Variants in ZMAT4 observed in about 807,000 individuals in gnomAD.
ZMAT4 encodes zinc finger matrin-type protein 4.
A neutral mutation model predicts 28.7 loss-of-function variants in ZMAT4; 17 were observed. The observed-to-expected ratio is 0.59, with a 90% confidence interval of 0.41 to 0.89. ZMAT4 has a LOEUF of 0.89. Among genes scored for constraint, ZMAT4 ranks in the 40% least tolerant of loss-of-function variants. ZMAT4 has a pLI of 0.00. For synonymous variants in ZMAT4, 117 were observed against 109.2 expected (o/e 1.07, Z -0.44); for missense variants, 240 against 283.8 (o/e 0.85, Z 1.11).
At chr8:40,715,595 G>A (rs1810816641) in intron 3 of ZMAT4, among the ~76,000 whole-genome samples, 1 of 152,044 alleles carries the variant, frequency 6.6e-6, no homozygotes, top group Non-Finnish European at 1.5e-5. Context: ...ATCAAATTTT[G>A]AAAAATAATT....
chr8:40,837,126 A>C (rs750395694), intron 1 of ZMAT4, among the ~76,000 whole-genome samples: 1 of 152,190 alleles, frequency 6.6e-6, no homozygotes, highest in Non-Finnish European at 1.5e-5. Flanking sequence ...GATCAGACTG[A>C]ATTTCTCAGC....
At chr8:40,546,823 C>T (rs1803216903) in intron 6 of ZMAT4, among the ~76,000 whole-genome samples, 1 of 152,154 alleles carries the variant, frequency 6.6e-6, no homozygotes, top group Non-Finnish European at 1.5e-5. Context: ...ATGTGTGGTA[C>T]ATAAAGCTGC....
chr8:40,715,788 C>T (rs1488302884), intron 3 of ZMAT4, among the ~76,000 whole-genome samples: 3 of 152,226 alleles, frequency 2.0e-5, no homozygotes, highest in African/African-American at 7.2e-5. Context: ...GCCCACCTCA[C>T]TAATCTGGGT....
intron 3 of ZMAT4, among the ~76,000 whole-genome samples, chr8:40,704,278 G>T (rs1810264010): frequency 6.6e-6 from 1 of 152,174 alleles, no homozygotes. Flanking sequence ...AGAAGGCCTG[G>T]AAGTCACATT....
chr8:40,632,100 T>C (rs916173382), intron 5 of ZMAT4, among the ~76,000 whole-genome samples: 39 of 152,298 alleles, frequency 2.6e-4, no homozygotes, highest in African/African-American at 9.1e-4. Context: ...ATGTTTGTGA[T>C]TCTATTTATA....
intron 2 of ZMAT4, among the ~76,000 whole-genome samples, chr8:40,770,756 C>G (rs1025924066): frequency 7.9e-5 from 12 of 152,078 alleles, no homozygotes; most frequent in Admixed American, 7.2e-4. Flanking sequence ...CCATGTTGGC[C>G]AGGCTGGTCT....
At chr8:40,826,007 C>G (rs1306470549) in intron 1 of ZMAT4, among the ~76,000 whole-genome samples, 2 of 152,106 alleles carry the variant, frequency 1.3e-5, no homozygotes, top group Non-Finnish European at 2.9e-5. Context: ...GCCTGTAGTC[C>G]CAGTGTTTTG....
chr8:40,747,464 G>A (rs897175880), intron 3 of ZMAT4, among the ~76,000 whole-genome samples: 4 of 151,914 alleles, frequency 2.6e-5, no homozygotes, highest in South Asian at 4.2e-4. Flanking sequence ...GTTATGATTC[G>A]GTTTTACTTT....
Position 40,891,806 on chromosome 8 carries a change from G to A in ZMAT4, c.-5+5877C>T, listed in dbSNP as rs149287473. ...GTCGCGCCTCCCCACACTCACTGCC[G>A]ACCCTGAGCTGTCCTCTTGATGCCT... is the stretch of plus-strand genomic sequence containing the variant. On this transcript the variant is annotated intron_variant, in intron 1 of 6. Coordinates refer to ENST00000297737, the MANE Select transcript of ZMAT4 (RefSeq NM_024645.3). Among the ~76,000 whole-genome samples, 84 of 152,288 alleles carry A rather than the reference G, an allele frequency of 5.5e-4. No individual in the cohort carries two copies. In the East Asian group the frequency reaches 0.014, roughly 25 times the overall value.
intron 5 of ZMAT4, among the ~76,000 whole-genome samples, chr8:40,612,852 C>A (rs1805849966): frequency 6.9e-6 from 1 of 145,496 alleles, no homozygotes; most frequent in African/African-American, 2.5e-5. Context: ...TGCTCTTGTC[C>A]CCCAGGCTGG....
At chr8:40,747,046 C>T (rs1812269079) in intron 3 of ZMAT4, among the ~76,000 whole-genome samples, 1 of 152,182 alleles carries the variant, frequency 6.6e-6, no homozygotes, top group African/African-American at 2.4e-5. Context: ...CTGCCACTTT[C>T]AATGGAGGGC....
chr8:40,580,013 T>TTA lies in ZMAT4; in HGVS notation c.674+1151_674+1152insTA, dbSNP rs1158972877. On this transcript the variant is annotated intron_variant, in intron 6 of 6. Transcript: ENST00000297737. ...AGGAAGGACTCAATGTATTCATCTT[T>TTA]TTTTTTTTTTTTTTTTTGAGACGAA... is the stretch of plus-strand genomic sequence containing the variant. 3.4e-3 allele frequency among the ~76,000 whole-genome samples: 492 copies of TTA among 145,628 alleles called. 5 individuals are homozygous for TTA. The highest frequency in any genetic ancestry group is 0.012 in the African/African-American group (470 of 38,972).
intron 5 of ZMAT4, among the ~76,000 whole-genome samples, chr8:40,595,735 G>T (rs768648725): frequency 6.6e-6 from 1 of 152,154 alleles, no homozygotes; most frequent in Non-Finnish European, 1.5e-5. Context: ...ACTGGAAGTT[G>T]CTTAGGGTGA....
intron 3 of ZMAT4, among the ~76,000 whole-genome samples, chr8:40,697,937 G>A (rs1430826843): frequency 6.6e-6 from 1 of 152,122 alleles, no homozygotes; most frequent in Non-Finnish European, 1.5e-5. Context: ...GTCTCTAATT[G>A]GACCCATTAT....
intron 3 of ZMAT4, among the ~76,000 whole-genome samples, chr8:40,743,401 G>C (rs1812093511): frequency 6.6e-6 from 1 of 152,202 alleles, no homozygotes; most frequent in African/African-American, 2.4e-5. Flanking sequence ...GCGGATTGGA[G>C]GTTCTCCTGC....
At chr8:40,751,755 A>C (rs376352140) in intron 3 of ZMAT4, among the ~76,000 whole-genome samples, 2 of 152,318 alleles carry the variant, frequency 1.3e-5, no homozygotes, top group East Asian at 3.9e-4. Flanking sequence ...TAGGTGTATA[A>C]TGAAAACCAG....
At chr8:40,605,412 AT>A (rs1310678336) in intron 5 of ZMAT4, among the ~76,000 whole-genome samples, 2 of 152,074 alleles carry the variant, frequency 1.3e-5, no homozygotes, top group Non-Finnish European at 2.9e-5. Flanking sequence ...AAATTATTTA[AT>A]TTTTATCTTG....
chr8:40,764,127 C>T (rs1040519568), intron 3 of ZMAT4, among the ~76,000 whole-genome samples: 1 of 152,122 alleles, frequency 6.6e-6, no homozygotes, highest in Non-Finnish European at 1.5e-5. Context: ...TCTCAATGGA[C>T]TGCGTGAACA....
chr8:40,545,284 A>G (rs1013393967), intron 6 of ZMAT4, among the ~76,000 whole-genome samples: 7 of 152,118 alleles, frequency 4.6e-5, no homozygotes, highest in African/African-American at 1.7e-4. Flanking sequence ...ACCCAGTTAC[A>G]CTATGCTAGG....
Sources: allele counts gnomAD v4.1 joint callset (sites outside exome capture counted in the v4.1 genomes callset), GRCh38; gene constraint gnomAD v4.1.1; transcripts MANE v1.5; gene names NCBI Gene and HGNC (gene_info 2026-07-23, HGNC 2026-07-21).